Variants in LRPPRC observed in about 807,000 individuals in gnomAD.
LRPPRC encodes leucine-rich PPR motif-containing protein, mitochondrial.
LRPPRC carries 120 observed loss-of-function variants against 180.3 expected under a neutral mutation model. The ratio of observed to expected loss-of-function variants is 0.67; its 90% confidence interval spans 0.57 to 0.77. The LOEUF (loss-of-function observed/expected upper bound fraction) is 0.77, where lower values mean the gene tolerates loss of function less well. LRPPRC is among the 30% of genes least tolerant of loss of function. The pLI, the probability that LRPPRC is intolerant of heterozygous loss-of-function variation, is 0.00. For synonymous variants in LRPPRC, 723 were observed against 600.0 expected (o/e 1.21, Z -3.00); for missense variants, 2,012 against 1,657.2 (o/e 1.21, Z -3.72).
chr2:43,942,639 A>T (rs1672524055), intron 23 of LRPPRC, among the ~76,000 whole-genome samples: 1 of 152,114 alleles, frequency 6.6e-6, no homozygotes, highest in African/African-American at 2.4e-5. Flanking sequence ...TATTATATTC[A>T]ATTAATTAAA....
chr2:43,932,153 A>AAAAAAT (rs1672114749), intron 25 of LRPPRC, among the ~76,000 whole-genome samples: 1 of 144,102 alleles, frequency 6.9e-6, no homozygotes. Flanking sequence ...AAAAAAAAAA[A>AAAAAAT]GACTGGAGAC....
At chr2:43,893,960 A>G (rs1316923288) in intron 36 of LRPPRC, among the ~76,000 whole-genome samples, 2 of 152,172 alleles carry the variant, frequency 1.3e-5, no homozygotes, top group Non-Finnish European at 2.9e-5. Flanking sequence ...GAGAAATGCT[A>G]ACATTTATTT....
Position 43,973,719 on chromosome 2 carries a change from AAG to A in LRPPRC, c.1262-7_1262-6del, listed in dbSNP as rs1673920547. On this transcript the variant is annotated splice_polypyrimidine_tract_variant and splice_region_variant and intron_variant, in intron 10 of 37. Coordinates refer to ENST00000260665, the MANE Select transcript of LRPPRC (RefSeq NM_133259.4). The stretch of plus-strand genomic sequence containing the variant: ...TCATTAAGGCTTTTGCCAAATCTGA[AAG>A]AGATATCATAAAAGATCACAAAGCT... The A allele has an allele frequency of 2.5e-6, 4 of 1,609,616 alleles. No individual in the cohort carries two copies. The highest frequency in any genetic ancestry group is 1.3e-5 in the African/African-American group (1 of 74,840).
At chr2:43,891,013 G>C (rs1357131027) in intron 36 of LRPPRC, among the ~76,000 whole-genome samples, 1 of 152,224 alleles carries the variant, frequency 6.6e-6, no homozygotes, top group Non-Finnish European at 1.5e-5. Context: ...GAACCCCTAA[G>C]ACAGAGGTGA....
chr2:43,911,523 C>CTTCTTTTT (rs1217364053), intron 30 of LRPPRC, among the ~76,000 whole-genome samples: 2 of 92,372 alleles, frequency 2.2e-5, no homozygotes, highest in African/African-American at 8.6e-5. Context: ...TCTTCTTCTT[C>CTTCTTTTT]TTTTTTTTTT....
chr2:43,886,401 TTTA>T lies in LRPPRC; in HGVS notation c.*2196_*2198del, dbSNP rs1263049936. 6.6e-6 allele frequency: 1 copy of T among 152,184 alleles called. No homozygotes were observed. Among genetic ancestry groups the T allele is most frequent in the Non-Finnish European group, 1.5e-5 (1 of 68,034 alleles). 9.4% of individuals were successfully genotyped at this position (152,184 alleles called of 1,614,324 possible). On this transcript the variant is annotated 3_prime_UTR_variant, in exon 38 of 38. Transcript: ENST00000260665. ...TGTATTACAGAAAGCTGCTAAATTG[TTTA>T]TATTTCTACTTATTTCAATTTAGCT...
intron 23 of LRPPRC, among the ~76,000 whole-genome samples, chr2:43,937,128 C>G (rs1174253241): frequency 6.6e-6 from 1 of 152,008 alleles, no homozygotes; most frequent in African/African-American, 2.4e-5. Context: ...AATAATTGTT[C>G]TGTCAATCAA....
chr2:43,976,973 C>T, intron 5 of LRPPRC, 21 bp downstream of exon 5: 1 of 1,603,022 alleles, frequency 6.2e-7, no homozygotes. Flanking sequence ...TTCGCTTAAA[C>T]ATGTTCATAC....
At chr2:43,992,798 A>T (rs4586678) in intron 1 of LRPPRC, among the ~76,000 whole-genome samples, 104,441 of 151,946 alleles carry the variant, frequency 0.69, 37,410 homozygotes, top group Middle Eastern at 0.79. Flanking sequence ...GGAACAGATG[A>T]AAGAAGAAGG....
Position 43,943,693 on chromosome 2 carries a change from A to G in LRPPRC, c.2498T>C (p.Leu833Ser), listed in dbSNP as rs755183097. 19 of 1,611,860 alleles carry G rather than the reference A, an allele frequency of 1.2e-5. No individual in the cohort carries two copies. The South Asian group carries it at 2.1e-4, about 18-fold the overall frequency. The change falls in exon 23 of 38, where the codon TTG (leucine) becomes TCG (serine). Residue 833 changes from leucine (L) to serine (S), a missense_variant. Transcript: ENST00000260665. ...CAAAATTCAATTAACTTACTTTTCC[A>G]AGTGTACAGTGACCAATGGGAAACT... ...NISFPLVTVH[L>S]EKGDLSTALE...
At chr2:43,972,207 T>C (rs535235651) in intron 11 of LRPPRC, among the ~76,000 whole-genome samples, 63 of 152,332 alleles carry the variant, frequency 4.1e-4, no homozygotes, top group African/African-American at 1.3e-3. Flanking sequence ...ACTGAATGTC[T>C]GTGTGGCCCT....
At chr2:43,968,273 T>A (rs1447279268) in intron 11 of LRPPRC, among the ~76,000 whole-genome samples, 1 of 152,226 alleles carries the variant, frequency 6.6e-6, no homozygotes, top group Non-Finnish European at 1.5e-5. Context: ...TTTACACATA[T>A]TCCTTTGCTA....
intron 36 of LRPPRC, among the ~76,000 whole-genome samples, chr2:43,891,086 AGTTGG>A (rs1670474581): frequency 6.6e-6 from 1 of 152,198 alleles, no homozygotes; most frequent in Non-Finnish European, 1.5e-5. Context: ...CTCTTAGTGG[AGTTGG>A]AACACATCTT....
intron 30 of LRPPRC, among the ~76,000 whole-genome samples, chr2:43,910,119 C>T (rs1315655328): frequency 1.3e-5 from 2 of 152,128 alleles, no homozygotes; most frequent in Non-Finnish European, 2.9e-5. Flanking sequence ...GATGTCATGA[C>T]CCACTAATTG....
chr2:43,937,279 G>A (rs1411426363), intron 23 of LRPPRC, among the ~76,000 whole-genome samples: 1 of 152,090 alleles, frequency 6.6e-6, no homozygotes, highest in Non-Finnish European at 1.5e-5. Flanking sequence ...CAATGTTACT[G>A]CTCTTAGGAT....
At chr2:43,990,373 G>A (rs77661630) in intron 1 of LRPPRC, among the ~76,000 whole-genome samples, 10 of 151,942 alleles carry the variant, frequency 6.6e-5, no homozygotes, top group Non-Finnish European at 1.5e-4. Flanking sequence ...TTACTACCTC[G>A]TTGAAGGCCT....
intron 23 of LRPPRC, among the ~76,000 whole-genome samples, chr2:43,936,100 T>C (rs921320975): frequency 6.6e-6 from 1 of 151,406 alleles, no homozygotes; most frequent in African/African-American, 2.4e-5. Context: ...AAAAAAGAAA[T>C]CCCTTGGAAG....
rs763444515 is a variant in LRPPRC, at chr2:43,946,222, A to T, written c.2101T>A (p.Leu701Met). 1.3e-5 allele frequency: 21 copies of T among 1,611,888 alleles called. No individual in the cohort carries two copies. Among genetic ancestry groups the T allele is most frequent in the Non-Finnish European group, 1.7e-5 (20 of 1,178,342 alleles). Residue 701 changes from leucine to methionine, a missense_variant, in exon 21 of 38, where the codon TTG becomes ATG. By Grantham distance (15) the Leu-to-Met change is conservative. Coordinates refer to ENST00000260665, the MANE Select transcript of LRPPRC (RefSeq NM_133259.4). ...SEENMQKALELKAKYESDMVT... is the reference protein window; with the variant it reads ...SEENMQKALEMKAKYESDMVT... Reference sequence around the variant, plus strand: ...ATGTCGGATTCATATTTTGCTTTCAATTCAAGGGCTTTTTGCATATTCTAA... The same window carrying T: ...ATGTCGGATTCATATTTTGCTTTCATTTCAAGGGCTTTTTGCATATTCTAA...
intron 30 of LRPPRC, among the ~76,000 whole-genome samples, chr2:43,911,149 G>GAT (rs34332260): frequency 0.011 from 1,665 of 146,270 alleles, 16 homozygotes; most frequent in Admixed American, 0.019. Flanking sequence ...GAGTGTTCTA[G>GAT]ATATATATAT....
Sources: allele counts gnomAD v4.1 joint callset (sites outside exome capture counted in the v4.1 genomes callset), GRCh38; gene constraint gnomAD v4.1.1; transcripts MANE v1.5; gene names NCBI Gene and HGNC (gene_info 2026-07-23, HGNC 2026-07-21).